The following ARFGEF3 variants were observed in gnomAD, a reference collection of about 807,000 sequenced individuals.
ARFGEF3 encodes ARFGEF family member 3, also known as brefeldin A-inhibited guanine nucleotide-exchange protein 3.
A neutral mutation model predicts 221.7 loss-of-function variants in ARFGEF3; 96 were observed. The observed-to-expected ratio is 0.43, with a 90% confidence interval of 0.37 to 0.51. The LOEUF (loss-of-function observed/expected upper bound fraction) is 0.51. Ranked by LOEUF, ARFGEF3 falls within the 20% of genes least tolerant of loss-of-function variation. ARFGEF3 has a pLI of 0.00. For missense variants in ARFGEF3, 2,410 were observed against 2,789.9 expected (o/e 0.86, Z 3.07); for synonymous variants, 1,145 against 1,126.8 (o/e 1.02, Z -0.32).
intron 6 of ARFGEF3, among the ~76,000 whole-genome samples, chr6:138,239,612 T>C (rs1453152310): frequency 2.8e-5 from 4 of 143,842 alleles, no homozygotes; most frequent in Admixed American, 7.2e-5. Flanking sequence ...TCATGCCCAC[T>C]GCACTCTAGC....
At chr6:138,196,631 G>T (rs921125401) in intron 2 of ARFGEF3, among the ~76,000 whole-genome samples, 34 of 152,178 alleles carry the variant, frequency 2.2e-4, no homozygotes, top group African/African-American at 7.7e-4. Flanking sequence ...GTACACTTAG[G>T]CTACACTAAA....
rs201702854 is a variant in ARFGEF3 at position 138,298,774 on chromosome 6, G to A, written c.3817G>A (p.Val1273Ile). Reference protein sequence around the residue: ...IMQLELCDEDVQDQVVTSIGE... With the variant: ...IMQLELCDEDIQDQVVTSIGE... Reference sequence around the variant, plus strand: ...GCAGCTGGAATTGTGTGATGAGGACGTCCAAGACCAGGTCAGTGTGACATG... The same window carrying A: ...GCAGCTGGAATTGTGTGATGAGGACATCCAAGACCAGGTCAGTGTGACATG... The change falls in exon 22 of 34, where the codon GTC becomes ATC. Residue 1273 changes from valine to isoleucine, a missense_variant. This residue lies in a region of ARFGEF3 where 723 missense variants were observed against 991.9 expected (regional missense o/e 0.73). Coordinates refer to ENST00000251691, the MANE Select transcript of ARFGEF3 (RefSeq NM_020340.5). 16 of 1,611,750 alleles carry A rather than the reference G, an allele frequency of 9.9e-6. No homozygotes were observed. The highest frequency in any genetic ancestry group is 4.0e-5 in the African/African-American group (3 of 74,904).
chr6:138,169,768 C>T (rs532047340), intron 1 of ARFGEF3, among the ~76,000 whole-genome samples: 1 of 152,374 alleles, frequency 6.6e-6, no homozygotes, highest in South Asian at 2.1e-4. Flanking sequence ...CTGAAATCCA[C>T]TCTTTTGCCC....
chr6:138,287,290 A>G (rs1178196691), intron 17 of ARFGEF3, 106 bp downstream of exon 17: 2 of 789,114 alleles, frequency 2.5e-6, no homozygotes, highest in East Asian at 5.3e-5. Context: ...TCTGTGTGTG[A>G]TGCCCGGTAT....
At chr6:138,266,104 T>C (rs970380134) in intron 12 of ARFGEF3, among the ~76,000 whole-genome samples, 4 of 151,952 alleles carry the variant, frequency 2.6e-5, no homozygotes, top group African/African-American at 9.7e-5. Flanking sequence ...TCCCAGCCAC[T>C]TGGGAGGCTG....
At chr6:138,307,810 G>T (rs1307606074) in intron 23 of ARFGEF3, among the ~76,000 whole-genome samples, 1 of 152,138 alleles carries the variant, frequency 6.6e-6, no homozygotes, top group Non-Finnish European at 1.5e-5. Context: ...GGGCCCAGGG[G>T]TGTTGTCTCA....
intron 32 of ARFGEF3, among the ~76,000 whole-genome samples, chr6:138,328,865 C>T (rs771958184): frequency 3.9e-5 from 6 of 152,100 alleles, no homozygotes; most frequent in East Asian, 1.9e-4. Flanking sequence ...AGCATGATGG[C>T]GCATGCCTGT....
At chr6:138,165,000 G>C (rs900550410) in intron 1 of ARFGEF3, among the ~76,000 whole-genome samples, 5 of 152,086 alleles carry the variant, frequency 3.3e-5, no homozygotes, top group Non-Finnish European at 7.4e-5. Flanking sequence ...ATAGGAGCAA[G>C]GGGCCATCCC....
intron 12 of ARFGEF3, among the ~76,000 whole-genome samples, chr6:138,272,833 A>C (rs568374266): frequency 6.6e-6 from 1 of 152,372 alleles, no homozygotes; most frequent in African/African-American, 2.4e-5. Flanking sequence ...GTATAAATCT[A>C]TTTGGAAAAT....
intron 12 of ARFGEF3, among the ~76,000 whole-genome samples, chr6:138,271,890 C>A (rs1779009660): frequency 6.6e-6 from 1 of 152,164 alleles, no homozygotes; most frequent in Non-Finnish European, 1.5e-5. Flanking sequence ...TCACATGCTT[C>A]TCTTAGAGGA....
At chr6:138,244,511 G>C (rs1296541145) in intron 7 of ARFGEF3, among the ~76,000 whole-genome samples, 2 of 152,194 alleles carry the variant, frequency 1.3e-5, no homozygotes, top group Admixed American at 6.5e-5. Context: ...ACAATCAGCA[G>C]TTTTCGATAT....
chr6:138,170,757 C>A, intron 2 of ARFGEF3, 44 bp downstream of exon 2: 4 of 1,119,544 alleles, frequency 3.6e-6, no homozygotes, highest in Non-Finnish European at 5.5e-6. Flanking sequence ...TCAATATTAC[C>A]CACTGAAGGC....
chr6:138,162,286 T>C lies in ARFGEF3; in HGVS notation c.85+115T>C, dbSNP rs977291758. 4.0e-5 allele frequency: 26 copies of C among 644,036 alleles called. No homozygotes were observed. Among genetic ancestry groups the C allele is most frequent in the Middle Eastern group, 4.6e-4 (1 of 2,160 alleles). 39.9% of individuals were successfully genotyped at this position (644,036 alleles called of 1,614,324 possible). A position where few individuals can be genotyped will look rare whatever the true frequency, so the allele number is the denominator to read the frequency against. ...TCGGTCATGGGTGCCGTTCTGGCGA[T>C]TGCGAGAGTCGCCTCGGGAAATTGA... On this transcript the variant is annotated intron_variant, in intron 1 of 33. Coordinates refer to ENST00000251691, the MANE Select transcript of ARFGEF3 (RefSeq NM_020340.5). The surrounding 1 kb of genome is among the most constrained non-coding windows in gnomAD (Gnocchi z 4.7).
At chr6:138,295,695 A>G (rs1779499570) in intron 20 of ARFGEF3, among the ~76,000 whole-genome samples, 1 of 152,184 alleles carries the variant, frequency 6.6e-6, no homozygotes, top group Non-Finnish European at 1.5e-5. Flanking sequence ...GACTTACAGA[A>G]CCAACACAGT....
rs138714675 is a variant in ARFGEF3, at chr6:138,186,297, G to A, written c.137+15584G>A. Among the ~76,000 whole-genome samples the A allele has an allele frequency of 1.8e-3, 279 of 152,304 alleles. 2 individuals are homozygous for A. Among genetic ancestry groups the A allele is most frequent in the African/African-American group, 5.8e-3 (241 of 41,554 alleles). On this transcript the variant is annotated intron_variant, in intron 2 of 33. Coordinates refer to ENST00000251691, the MANE Select transcript of ARFGEF3 (RefSeq NM_020340.5). ...GTAAGGGAAAGCCTAACTAGCAGTG[G>A]TTTAAATGAGATGGGGCTATTTTCC...
Position 138,162,233 on chromosome 6 carries a change from C to T in ARFGEF3, c.85+62C>T, listed in dbSNP as rs1776630135. ...CCGCGCGGCCGGGGCTGAACCCGCGCCTCCGCGCGTGGGGCTTTCGCGGAG... is the reference window on the plus strand; with the variant it reads ...CCGCGCGGCCGGGGCTGAACCCGCGTCTCCGCGCGTGGGGCTTTCGCGGAG... On this transcript the variant is annotated intron_variant, in intron 1 of 33. Transcript: ENST00000251691. The surrounding 1 kb of genome is among the most constrained non-coding windows in gnomAD (Gnocchi z 4.7). The T allele has an allele frequency of 1.5e-6, 2 of 1,297,518 alleles. No individual in the cohort carries two copies. Among genetic ancestry groups the T allele is most frequent in the African/African-American group, 1.5e-5 (1 of 65,290 alleles). The allele number at this position is 1,297,518 out of a possible 1,614,324, so 80.4% of individuals were successfully genotyped here. A position where few individuals can be genotyped will look rare whatever the true frequency, so the allele number is the denominator to read the frequency against.
intron 22 of ARFGEF3, among the ~76,000 whole-genome samples, chr6:138,303,588 A>T (rs932547717): frequency 6.6e-6 from 1 of 152,134 alleles, no homozygotes; most frequent in African/African-American, 2.4e-5. Flanking sequence ...GCAGATCACG[A>T]GGTCAAGAGA....
intron 2 of ARFGEF3, among the ~76,000 whole-genome samples, chr6:138,189,674 A>G (rs1297371782): frequency 6.6e-6 from 1 of 152,238 alleles, no homozygotes; most frequent in African/African-American, 2.4e-5. Flanking sequence ...CATGGCAGGA[A>G]GGAAAGTCGT....
intron 4 of ARFGEF3, among the ~76,000 whole-genome samples, chr6:138,210,931 T>G (rs762944678): frequency 3.0e-4 from 46 of 152,232 alleles, no homozygotes; most frequent in Non-Finnish European, 6.5e-4. Context: ...ATTCTCTTGA[T>G]GTCCTGGGCC....
Sources: gnomAD v4.1 joint callset for allele counts (sites outside exome capture counted in the v4.1 genomes callset) on GRCh38, gnomAD v4.1.1 for gene constraint, gnomAD v4.1.1 regional missense constraint, Gnocchi (gnomAD v3.1) non-coding constraint, MANE v1.5 for transcripts, NCBI Gene and HGNC (gene_info 2026-07-23, HGNC 2026-07-21) for gene names.